SCARB1: variants seen among roughly 807,000 people sequenced by gnomAD.
The protein encoded by SCARB1 is CD36 and LIMPII analogous 1.
In SCARB1, 30 loss-of-function variants were observed where a neutral mutation model predicts 57.2. That is an observed-to-expected ratio of 0.52 (90% CI 0.39 to 0.71). The LOEUF is 0.71. Ranked by LOEUF, SCARB1 falls within the 30% of genes least tolerant of loss-of-function variation. The pLI is 0.00. For missense variants in SCARB1, 543 were observed against 671.2 expected, an observed-to-expected ratio of 0.81 and a Z score of 2.11; for synonymous variants, 249 against 268.3, an observed-to-expected ratio of 0.93 and a Z score of 0.70.
rs370625066 is a variant in SCARB1, at chr12:124,800,525, C to T, written c.1010-283G>A. On this transcript the variant is annotated intron_variant, in intron 7 of 12. Transcript: ENST00000261693. This position sits in a 1 kb window ranked among gnomAD's most constrained non-coding sequence, Gnocchi z 4.8. ...TCACAGGAGCCAGGTGAAGGATGCC[C>T]GGGAAGCGCATTCCAGGTGGAAGGG... is the stretch of plus-strand genomic sequence containing the variant. Among the ~76,000 whole-genome samples the T allele has an allele frequency of 2.6e-5, 4 of 152,286 alleles. No homozygotes were observed. The highest frequency in any genetic ancestry group is 3.9e-4 in the East Asian group (2 of 5,182).
In SCARB1 at chr12:124,807,783, C is replaced by T. The variant is rs769195453; in HGVS notation, c.987G>A (p.Gln329=). The T allele has an allele frequency of 3.7e-6, 6 of 1,614,162 alleles. No homozygotes were observed. Among genetic ancestry groups the T allele is most frequent in the Non-Finnish European group, 5.1e-6 (6 of 1,180,034 alleles). The change falls in exon 7 of 13, where the codon CAG becomes CAA. Residue 329 remains glutamine (Q), a synonymous_variant. Coordinates refer to ENST00000261693, the MANE Select transcript of SCARB1 (RefSeq NM_005505.5). The surrounding 1 kb of genome is among the most constrained non-coding windows in gnomAD (Gnocchi z 5.3). ...GFCPCLESGI[Q]NVSTCRFSAP... ...TACTGAACCTGCAGGTGCTGACGTTCTGAATTCCAGACTCCAGGCACGGGC... is the reference window on the plus strand; with the variant it reads ...TACTGAACCTGCAGGTGCTGACGTTTTGAATTCCAGACTCCAGGCACGGGC...
intron 1 of SCARB1, among the ~76,000 whole-genome samples, chr12:124,825,658 G>A (rs1271741844): frequency 7.9e-5 from 12 of 152,122 alleles, no homozygotes; most frequent in African/African-American, 2.7e-4. Context: ...GTGACAGAGC[G>A]AGACCCTGCC....
intron 9 of SCARB1, among the ~76,000 whole-genome samples, chr12:124,792,513 C>T (rs1045486174): frequency 6.6e-6 from 1 of 151,914 alleles, no homozygotes; most frequent in South Asian, 2.1e-4. Context: ...CCTGAGGTCA[C>T]AAGTTCGAGA....
At chr12:124,857,107 C>A (rs1412313171) in intron 1 of SCARB1, among the ~76,000 whole-genome samples, 4 of 152,088 alleles carry the variant, frequency 2.6e-5, no homozygotes, top group Non-Finnish European at 5.9e-5. Context: ...CTCAGACACA[C>A]GGAGAACCGG....
intron 4 of SCARB1, among the ~76,000 whole-genome samples, chr12:124,813,098 A>G (rs1950580864): frequency 6.6e-6 from 1 of 151,980 alleles, no homozygotes; most frequent in South Asian, 2.1e-4. Flanking sequence ...CCCAAACCAT[A>G]CTCAGAGCAT....
At chr12:124,849,924 C>T (rs1407308454) in intron 1 of SCARB1, among the ~76,000 whole-genome samples, 1 of 112,612 alleles carries the variant, frequency 8.9e-6, no homozygotes, top group African/African-American at 3.4e-5. Context: ...ATTAGCTGGG[C>T]ATGGTGGTGC....
intron 1 of SCARB1, among the ~76,000 whole-genome samples, chr12:124,823,110 G>A (rs1307301186): frequency 6.6e-6 from 1 of 152,124 alleles, no homozygotes; most frequent in Non-Finnish European, 1.5e-5. Flanking sequence ...ATAGAAACCA[G>A]AACAGGGGTC....
Position 124,840,476 on chromosome 12 carries a change from G to T in SCARB1, c.127-22769C>A, listed in dbSNP as rs78210525. ...CAGGCGTGAGCCACCGCGCCTGGCTGCCTGCATGTCTTCTTTGCAGGTGCT... is the reference window on the plus strand; with the variant it reads ...CAGGCGTGAGCCACCGCGCCTGGCTTCCTGCATGTCTTCTTTGCAGGTGCT... On this transcript the variant is annotated intron_variant, in intron 1 of 12. Transcript: ENST00000261693. Among the ~76,000 whole-genome samples, 765 of 152,206 alleles carry T rather than the reference G, an allele frequency of 5.0e-3. 6 individuals carry two copies. The highest frequency in any genetic ancestry group is 0.018 in the African/African-American group (734 of 41,532).
intron 9 of SCARB1, among the ~76,000 whole-genome samples, chr12:124,793,724 TG>T (rs1949822844): frequency 7.0e-6 from 1 of 142,232 alleles, no homozygotes; most frequent in African/African-American, 2.7e-5. Context: ...AGAATGGGGA[TG>T]GGGGGCAGAG....
chr12:124,780,348 CT>C (rs1365252651), intron 12 of SCARB1, among the ~76,000 whole-genome samples: 7 of 152,214 alleles, frequency 4.6e-5, no homozygotes, highest in African/African-American at 1.7e-4. Context: ...GAGGGGCTGT[CT>C]TTTTCTTATT....
rs1334464283 is a variant in SCARB1, at chr12:124,800,758, C to A, written c.1010-516G>T. On this transcript the variant is annotated intron_variant, in intron 7 of 12. Coordinates refer to ENST00000261693, the MANE Select transcript of SCARB1 (RefSeq NM_005505.5). This position sits in a 1 kb window ranked among gnomAD's most constrained non-coding sequence, Gnocchi z 4.8. The stretch of plus-strand genomic sequence containing the variant: ...CACCTGTGGCCAGATCTCCCTGCAT[C>A]CACAGGAGTGTGTCCCTGTAGACAC... Among the ~76,000 whole-genome samples, 2 of 152,186 alleles carry A rather than the reference C, an allele frequency of 1.3e-5. No homozygotes were observed. The highest frequency in any genetic ancestry group is 4.8e-5 in the African/African-American group (2 of 41,430).
At position 124,806,926 on chromosome 12, in the gene SCARB1, C is replaced by T. The variant is rs187112766; in HGVS notation, c.1009+835G>A. Among the ~76,000 whole-genome samples the T allele has an allele frequency of 1.6e-3, 249 of 151,830 alleles. 1 individual carries two copies. The highest frequency in any genetic ancestry group is 0.01 in the Middle Eastern group (3 of 294). On this transcript the variant is annotated intron_variant, in intron 7 of 12. Coordinates refer to ENST00000261693, the MANE Select transcript of SCARB1 (RefSeq NM_005505.5). ...TCAAAATATAAAAATAGGCTGGGCGCGGTGGCTCACACCTATAATCCCAGC... is the reference window on the plus strand; with the variant it reads ...TCAAAATATAAAAATAGGCTGGGCGTGGTGGCTCACACCTATAATCCCAGC...
At chr12:124,785,722 A>G (rs1467697098) in intron 11 of SCARB1, 2 of 266,842 alleles carry the variant, frequency 7.5e-6, no homozygotes, top group Non-Finnish European at 1.4e-5. Context: ...TGCCGTTTAT[A>G]CTGATTACAT....
chr12:124,818,723 GA>G (rs1334953730), intron 1 of SCARB1, among the ~76,000 whole-genome samples: 2 of 72,728 alleles, frequency 2.7e-5, no homozygotes, highest in African/African-American at 5.8e-5. Context: ...TCGGCTCACC[GA>G]AACCTCCATA....
intron 1 of SCARB1, among the ~76,000 whole-genome samples, chr12:124,826,396 G>T (rs1951164620): frequency 6.6e-6 from 1 of 151,056 alleles, no homozygotes; most frequent in African/African-American, 2.4e-5. Flanking sequence ...CTTAACTGTA[G>T]TAATCATTTC....
intron 1 of SCARB1, among the ~76,000 whole-genome samples, chr12:124,846,729 CAAAAAAAAA>C (rs5801572): frequency 2.2e-5 from 1 of 46,004 alleles, no homozygotes; most frequent in Non-Finnish European, 3.6e-5. Context: ...GACTCCATCT[CAAAAAAAAA>C]AAAAAAAAAA....
rs1950566068 is a variant in SCARB1 at position 124,812,530 on chromosome 12, T to C, written c.631-565A>G. ...TCTTGGTTGTTCTAAGCCATGGAGATTCCGGGGCTGCTTGTCACAGCAGCA... is the reference window on the plus strand; with the variant it reads ...TCTTGGTTGTTCTAAGCCATGGAGACTCCGGGGCTGCTTGTCACAGCAGCA... On this transcript the variant is annotated intron_variant, in intron 4 of 12. Coordinates refer to ENST00000261693, the MANE Select transcript of SCARB1 (RefSeq NM_005505.5). The surrounding 1 kb of genome is among the most constrained non-coding windows in gnomAD (Gnocchi z 4.3). Among the ~76,000 whole-genome samples the C allele has an allele frequency of 6.6e-6, 1 of 152,168 alleles. No individual in the cohort carries two copies. The highest frequency in any genetic ancestry group is 2.4e-5 in the African/African-American group (1 of 41,448).
intron 1 of SCARB1, among the ~76,000 whole-genome samples, chr12:124,851,975 T>G (rs1012759909): frequency 2.6e-5 from 4 of 152,100 alleles, no homozygotes; most frequent in Non-Finnish European, 5.9e-5. Flanking sequence ...GAACCTTGGC[T>G]TAAATGCTCA....
At chr12:124,844,451 G>A (rs920757836) in intron 1 of SCARB1, among the ~76,000 whole-genome samples, 4 of 152,184 alleles carry the variant, frequency 2.6e-5, no homozygotes, top group Non-Finnish European at 5.9e-5. Flanking sequence ...CTACTATTAT[G>A]AGCTGAACAG....
Sources: gnomAD v4.1 joint callset for allele counts (sites outside exome capture counted in the v4.1 genomes callset) on GRCh38, gnomAD v4.1.1 for gene constraint, Gnocchi (gnomAD v3.1) non-coding constraint, MANE v1.5 for transcripts, NCBI Gene and HGNC (gene_info 2026-07-23, HGNC 2026-07-21) for gene names.